CARS1: variants seen among roughly 807,000 people sequenced by gnomAD.
CARS1 encodes cysteinyl-tRNA synthetase 1, also known as cysteine--tRNA ligase, cytoplasmic.
CARS1 carries 48 observed loss-of-function variants against 106.2 expected under a neutral mutation model. The ratio of observed to expected loss-of-function variants is 0.45; its 90% CI spans 0.36 to 0.57. The LOEUF is 0.57. CARS1 is among the 20% of genes least tolerant of loss of function. The probability of loss-of-function intolerance (pLI) is 0.00; values close to 1 mark genes in which losing one functional copy is unlikely to be tolerated. For missense variants in CARS1, 968 were observed against 1,057.2 expected, an observed-to-expected ratio of 0.92 and a Z score of 1.17; for synonymous variants, 409 against 403.4, an observed-to-expected ratio of 1.01 and a Z score of -0.17.
At position 3,047,802 on chromosome 11, in the gene CARS1, C is replaced by A. The variant is rs774269143; in HGVS notation, c.225G>T (p.Ala75=). The A allele has an allele frequency of 8.1e-6, 13 of 1,613,918 alleles. No homozygotes were observed. In the African/African-American group the frequency reaches 1.6e-4, roughly 20 times the overall value. Residue 75 remains alanine (A), a synonymous_variant, in exon 2 of 23, where the codon GCG becomes GCT. Coordinates refer to ENST00000380525, the MANE Select transcript of CARS1 (RefSeq NM_001014437.3). The part of the protein sequence containing the change: ...HVARWFRHIE[A]LLGSPCGKGQ... The stretch of plus-strand genomic sequence containing the variant: ...CTTTGCCACAGGGGCTACCCAGGAG[C>A]GCTTCTATGTGCCTGAACCACCGAG...
chr11:3,018,316 G>A (rs549222230), intron 14 of CARS1, 92 bp downstream of exon 14: 63 of 803,718 alleles, frequency 7.8e-5, no homozygotes, highest in African/African-American at 5.8e-4. Context: ...TAGAGACATC[G>A]GGAGGCTGGT....
rs1415760501 is a variant in CARS1, at chr11:3,028,649, C to T, written c.1031+347G>A. The stretch of plus-strand genomic sequence containing the variant: ...CTTCGGGATATGACACCAGGACTAG[C>T]ACTCTCAAAATGTCTACGCAATGGC... On this transcript the variant is annotated intron_variant, in intron 9 of 22. Coordinates refer to ENST00000380525, the MANE Select transcript of CARS1 (RefSeq NM_001014437.3). This position sits in a 1 kb window ranked among gnomAD's most constrained non-coding sequence, Gnocchi z 4.4. 1.2e-5 allele frequency: 4 copies of T among 343,150 alleles called. No individual in the cohort carries two copies. Among genetic ancestry groups the T allele is most frequent in the African/African-American group, 8.4e-5 (4 of 47,396 alleles). 21.3% of individuals were successfully genotyped at this position (343,150 alleles called of 1,614,324 possible). A position where few individuals can be genotyped will look rare whatever the true frequency, so the allele number is the denominator to read the frequency against.
intron 7 of CARS1, among the ~76,000 whole-genome samples, chr11:3,033,393 T>C (rs989171542): frequency 6.6e-6 from 1 of 152,200 alleles, no homozygotes; most frequent in Admixed American, 6.5e-5. Context: ...GTAATTAAGT[T>C]ATAAGCGAAT....
chr11:3,002,072 C>T lies in CARS1; in HGVS notation c.2278-19G>A. 1.3e-6 allele frequency: 2 copies of T among 1,562,520 alleles called. No homozygotes were observed. The highest frequency in any genetic ancestry group is 1.8e-6 in the Non-Finnish European group (2 of 1,133,362). ...TTGCTGCCTAGAACACGCAACACGGCACAGTCACTGCCCCCGAGCAGCACC... is the reference window on the plus strand; with the variant it reads ...TTGCTGCCTAGAACACGCAACACGGTACAGTCACTGCCCCCGAGCAGCACC... On this transcript the variant is annotated intron_variant, in intron 21 of 22. Coordinates refer to ENST00000380525, the MANE Select transcript of CARS1 (RefSeq NM_001014437.3).
At chr11:3,057,164 C>T (rs1032094572) in intron 1 of CARS1, among the ~76,000 whole-genome samples, 179 bp downstream of exon 1, 1 of 151,342 alleles carries the variant, frequency 6.6e-6, no homozygotes, top group African/African-American at 2.4e-5. Context: ...TCAGACCCCG[C>T]GCACTGACAC....
chr11:3,003,501 C>T lies in CARS1; in HGVS notation c.2218-901G>A, dbSNP rs1006905275. ...CAAACTGTTTTTGGGCCACCGGCTACAAGATAGATGGTGGAGAAGCCGCAG... is the reference window on the plus strand; with the variant it reads ...CAAACTGTTTTTGGGCCACCGGCTATAAGATAGATGGTGGAGAAGCCGCAG... On this transcript the variant is annotated intron_variant, in intron 20 of 22. Transcript: ENST00000380525. The surrounding 1 kb of genome is among the most constrained non-coding windows in gnomAD (Gnocchi z 4.8). 6.6e-6 allele frequency among the ~76,000 whole-genome samples: 1 copy of T among 152,124 alleles called. No homozygotes were observed. Among genetic ancestry groups the T allele is most frequent in the African/African-American group, 2.4e-5 (1 of 41,404 alleles).
At chr11:3,031,854 G>T (rs984987847) in intron 7 of CARS1, among the ~76,000 whole-genome samples, 1 of 152,192 alleles carries the variant, frequency 6.6e-6, no homozygotes, top group East Asian at 1.9e-4. Context: ...CCATACTTTT[G>T]TGAGTTTTAC....
chr11:3,015,130 G>A (rs1377647174), intron 17 of CARS1, among the ~76,000 whole-genome samples: 1 of 152,218 alleles, frequency 6.6e-6, no homozygotes, highest in African/African-American at 2.4e-5. Context: ...CATGCCAACT[G>A]CAAACAGAAG....
Position 3,017,488 on chromosome 11 carries a change from C to T in CARS1, c.1728-193G>A. 1.7e-6 allele frequency: 1 copy of T among 587,904 alleles called. No homozygotes were observed. The highest frequency in any genetic ancestry group is 3.0e-5 in the Admixed American group (1 of 33,500). 36.4% of individuals were successfully genotyped at this position (587,904 alleles called of 1,614,324 possible). On this transcript the variant is annotated intron_variant, in intron 15 of 22. Coordinates refer to ENST00000380525, the MANE Select transcript of CARS1 (RefSeq NM_001014437.3). The surrounding 1 kb of genome is among the most constrained non-coding windows in gnomAD (Gnocchi z 4.9). The stretch of plus-strand genomic sequence containing the variant: ...AGAGACCCCCACCTCTACTAAAAAT[C>T]TGAAATTAGCCAGGTATGGTGGCGC...
Position 3,040,917 on chromosome 11 carries a change from G to C in CARS1, c.434C>G (p.Ala145Gly). ...CTACCTGGCGTGCCCCATGTGAGAT[G>C]CGTCATAGACGGTTGGCCCACAGCA... is the stretch of plus-strand genomic sequence containing the variant. ...WYCCGPTVYD[A>G]SHMGHARSYI... The change falls in exon 4 of 23, where the codon GCA becomes GGA. Residue 145 changes from alanine (A) to glycine (G), a missense_variant. Transcript: ENST00000380525. The surrounding 1 kb of genome is among the most constrained non-coding windows in gnomAD (Gnocchi z 5.8). The C allele has an allele frequency of 6.2e-7, 1 of 1,614,112 alleles. No homozygotes were observed. Among genetic ancestry groups the C allele is most frequent in the East Asian group, 2.2e-5 (1 of 44,874 alleles).
At chr11:3,055,795 A>G (rs404629) in intron 1 of CARS1, among the ~76,000 whole-genome samples, 70,998 of 152,194 alleles carry the variant, frequency 0.47, 17,994 homozygotes, top group African/African-American at 0.66. Context: ...CTTTCAGCAC[A>G]GACACAGCAC....
chr11:3,018,482 G>A lies in CARS1; in HGVS notation c.1555C>T (p.His519Tyr). 1 of 1,613,946 alleles carries A rather than the reference G, an allele frequency of 6.2e-7. No individual in the cohort carries two copies. Among genetic ancestry groups the A allele is most frequent in the Non-Finnish European group, 8.5e-7 (1 of 1,179,816 alleles). ...ARQLRLAFLM[H>Y]SWKDTLDYSS... ...TAGTCCAGGGTGTCCTTCCACGAGT[G>A]CATGAGGAAGGCCAGCCGCAACTGC... The change falls in exon 14 of 23, where the codon CAC (histidine) becomes TAC (tyrosine). Residue 519 changes from histidine to tyrosine, a missense_variant. His to Tyr is a moderately conservative substitution (Grantham distance 83). Transcript: ENST00000380525.
chr11:3,017,015 G>A lies in CARS1; in HGVS notation c.1917+91C>T. 1 of 1,077,108 alleles carries A rather than the reference G, an allele frequency of 9.3e-7. No individual in the cohort carries two copies. The highest frequency in any genetic ancestry group is 2.5e-5 in the Admixed American group (1 of 40,220). The allele number at this position is 1,077,108 out of a possible 1,614,324, so 66.7% of individuals were successfully genotyped here. On this transcript the variant is annotated intron_variant, in intron 16 of 22. Transcript: ENST00000380525. This position sits in a 1 kb window ranked among gnomAD's most constrained non-coding sequence, Gnocchi z 4.9. Reference sequence around the variant, plus strand: ...GCTGGGCACCAGGCACAGCACTGGGGGGCACCAGAGGCCTCTGTTCTCCCA... The same window carrying A: ...GCTGGGCACCAGGCACAGCACTGGGAGGCACCAGAGGCCTCTGTTCTCCCA...
rs1851634100 is a variant in CARS1 at position 3,022,255 on chromosome 11, G to T, written c.1154-1923C>A. On this transcript the variant is annotated intron_variant, in intron 10 of 22. Coordinates refer to ENST00000380525, the MANE Select transcript of CARS1 (RefSeq NM_001014437.3). This position sits in a 1 kb window ranked among gnomAD's most constrained non-coding sequence, Gnocchi z 4.9. ...CCAAGAACTGCTTAAGGTATTTTTT[G>T]GATCCTGAATTCCAGCAGGACAGCT... Among the ~76,000 whole-genome samples the T allele has an allele frequency of 6.6e-6, 1 of 152,168 alleles. No individual in the cohort carries two copies. The highest frequency in any genetic ancestry group is 6.5e-5 in the Admixed American group (1 of 15,278).
rs1237217175 is a variant in CARS1 at position 3,004,705 on chromosome 11, C to T, written c.2217+661G>A. Among the ~76,000 whole-genome samples, 2 of 152,190 alleles carry T rather than the reference C, an allele frequency of 1.3e-5. No homozygotes were observed. Among genetic ancestry groups the T allele is most frequent in the Non-Finnish European group, 2.9e-5 (2 of 68,030 alleles). ...CGAGGAACTTGGGCCATCCCTGATC[C>T]TGGGGGCGTTGTGGGGTGCAGGTGG... On this transcript the variant is annotated intron_variant, in intron 20 of 22. Coordinates refer to ENST00000380525, the MANE Select transcript of CARS1 (RefSeq NM_001014437.3). This position sits in a 1 kb window ranked among gnomAD's most constrained non-coding sequence, Gnocchi z 5.2.
At chr11:3,054,713 C>T (rs183699385) in intron 1 of CARS1, among the ~76,000 whole-genome samples, 158 of 152,322 alleles carry the variant, frequency 1.0e-3, no homozygotes, top group South Asian at 2.5e-3. Context: ...TACAAGATGC[C>T]GGCAGGATCT....
rs1851512203 is a variant in CARS1, at chr11:3,020,915, A to G, written c.1154-583T>C. On this transcript the variant is annotated intron_variant, in intron 10 of 22. Transcript: ENST00000380525. This position sits in a 1 kb window ranked among gnomAD's most constrained non-coding sequence, Gnocchi z 4.6. ...TATAAGGGGAAAATAGGTGAAGGAA[A>G]CTAAAGAATAGTCCAGGAAGGCCAT... Among the ~76,000 whole-genome samples the G allele has an allele frequency of 6.6e-6, 1 of 152,194 alleles. No individual in the cohort carries two copies. The highest frequency in any genetic ancestry group is 6.5e-5 in the Admixed American group (1 of 15,278).
chr11:3,027,821 C>T (rs540342402), intron 9 of CARS1: 16 of 454,654 alleles, frequency 3.5e-5, no homozygotes, highest in East Asian at 2.8e-4. Flanking sequence ...TGTGGTCTAG[C>T]GGTAGCGTAA....
chr11:3,016,200 C>G (rs943552035), intron 16 of CARS1, among the ~76,000 whole-genome samples: 1 of 150,728 alleles, frequency 6.6e-6, no homozygotes, highest in Non-Finnish European at 1.5e-5. Flanking sequence ...AGAGAGGAGG[C>G]CTTGTCCCTG....
Sources: allele counts gnomAD v4.1 joint callset (sites outside exome capture counted in the v4.1 genomes callset), GRCh38; gene constraint gnomAD v4.1.1; non-coding constraint Gnocchi (gnomAD v3.1); transcripts MANE v1.5; gene names NCBI Gene and HGNC (gene_info 2026-07-23, HGNC 2026-07-21).